Variants in LRRC7 observed in about 807,000 individuals in gnomAD.
The protein encoded by LRRC7 is leucine-rich repeat-containing protein 7.
A neutral mutation model predicts 175.7 loss-of-function variants in LRRC7; 23 were observed. The ratio of observed to expected loss-of-function variants is 0.13; its 90% CI spans 0.09 to 0.19. LRRC7 has a LOEUF of 0.19. LRRC7 is among the 10% of genes least tolerant of loss of function. The pLI is 1.00. For missense variants in LRRC7, 1,354 were observed against 1,904.7 expected (o/e 0.71, Z 5.38); for synonymous variants, 685 against 680.9 (o/e 1.01, Z -0.09).
intron 21 of LRRC7, among the ~76,000 whole-genome samples, chr1:70,040,253 C>T (rs1659753360): frequency 6.6e-6 from 1 of 152,160 alleles, no homozygotes; most frequent in South Asian, 2.1e-4. Flanking sequence ...CACATAGTTA[C>T]TGCTATGGGA....
At chr1:69,888,647 G>T (rs566917975) in intron 7 of LRRC7, among the ~76,000 whole-genome samples, 2 of 151,988 alleles carry the variant, frequency 1.3e-5, no homozygotes, top group African/African-American at 4.8e-5. Flanking sequence ...CTCCTCCTGA[G>T]GACATTTTTC....
At chr1:69,607,232 G>C (rs1458949565) in intron 1 of LRRC7, 1 of 152,032 alleles carries the variant, frequency 6.6e-6, no homozygotes, top group Non-Finnish European at 1.5e-5. Context: ...GATTTTGAGT[G>C]TACTTGTTTA....
At chr1:69,657,723 G>A (rs17131011) in intron 1 of LRRC7, among the ~76,000 whole-genome samples, 10,513 of 151,932 alleles carry the variant, frequency 0.069, 474 homozygotes, top group African/African-American at 0.12. Flanking sequence ...GAGGGCTCAT[G>A]CAGATGAATT....
At chr1:69,789,052 C>A (rs1674817015) in intron 3 of LRRC7, among the ~76,000 whole-genome samples, 1 of 152,000 alleles carries the variant, frequency 6.6e-6, no homozygotes, top group Non-Finnish European at 1.5e-5. Context: ...TTTTTTAGCT[C>A]CAAATGTATT....
At chr1:69,661,531 T>C (rs574918386) in intron 1 of LRRC7, among the ~76,000 whole-genome samples, 1 of 152,314 alleles carries the variant, frequency 6.6e-6, no homozygotes, top group Non-Finnish European at 1.5e-5. Flanking sequence ...ATGCTGAATA[T>C]CTTTTACTCT....
At chr1:69,885,375 T>G (rs895487826) in intron 7 of LRRC7, among the ~76,000 whole-genome samples, 1 of 146,838 alleles carries the variant, frequency 6.8e-6, no homozygotes, top group Admixed American at 6.7e-5. Flanking sequence ...ATTTATCCAT[T>G]TCTTCTAGAT....
chr1:69,874,262 T>G (rs1685839781), intron 7 of LRRC7: 1 of 152,206 alleles, frequency 6.6e-6, no homozygotes, highest in African/African-American at 2.4e-5. Context: ...ATCTCTGTAA[T>G]GATACTTTTG....
intron 1 of LRRC7, among the ~76,000 whole-genome samples, chr1:69,575,602 C>T (rs1043832681): frequency 6.6e-6 from 1 of 152,026 alleles, no homozygotes; most frequent in Non-Finnish European, 1.5e-5. Flanking sequence ...AATATTGAAG[C>T]ACTCTAAATT....
chr1:69,657,651 T>C (rs1656850152), intron 1 of LRRC7, among the ~76,000 whole-genome samples: 1 of 151,804 alleles, frequency 6.6e-6, no homozygotes, highest in South Asian at 2.1e-4. Flanking sequence ...CTGCAGAGAA[T>C]GTAAGAAGAG....
At chr1:70,116,601 G>T (rs963064571) in intron 26 of LRRC7, among the ~76,000 whole-genome samples, 99 of 150,602 alleles carry the variant, frequency 6.6e-4, no homozygotes, top group African/African-American at 2.3e-3. Flanking sequence ...TTCTGCAAAG[G>T]TTTTTTTTAA....
intron 7 of LRRC7, among the ~76,000 whole-genome samples, chr1:69,839,211 G>T (rs1003247536): frequency 6.6e-6 from 1 of 151,958 alleles, no homozygotes; most frequent in African/African-American, 2.4e-5. Context: ...ACCTTCAAGT[G>T]CATTTTATGT....
intron 1 of LRRC7, among the ~76,000 whole-genome samples, chr1:69,589,115 G>GGTGTGTGTGTGT (rs55678803): frequency 7.0e-6 from 1 of 142,354 alleles, no homozygotes. Flanking sequence ...TCATAAAAAG[G>GGTGTGTGTGTGT]GTGTGTGTGT....
At chr1:69,919,942 CA>C in intron 7 of LRRC7, 2 of 609,950 alleles carry the variant, frequency 3.3e-6, no homozygotes, top group Admixed American at 2.4e-5. Context: ...TTATTGTTAC[CA>C]AAATGGCTGG....
intron 4 of LRRC7, among the ~76,000 whole-genome samples, chr1:69,793,257 C>A (rs1277540151): frequency 6.6e-6 from 1 of 152,040 alleles, no homozygotes; most frequent in Admixed American, 6.6e-5. Flanking sequence ...GAGAAGGATG[C>A]AATCCAATCT....
intron 1 of LRRC7, among the ~76,000 whole-genome samples, chr1:69,650,756 A>C (rs753175200): frequency 5.3e-5 from 8 of 151,976 alleles, no homozygotes; most frequent in Non-Finnish European, 1.0e-4. Flanking sequence ...TAATCAGAAA[A>C]TCTTAATCAT....
At chr1:69,803,662 A>G (rs1225643476) in intron 4 of LRRC7, among the ~76,000 whole-genome samples, 2 of 151,390 alleles carry the variant, frequency 1.3e-5, no homozygotes, top group East Asian at 3.9e-4. Context: ...TTTATTATAA[A>G]ATCATTTTAT....
chr1:69,577,817 G>A (rs1287567022), intron 1 of LRRC7, among the ~76,000 whole-genome samples: 1 of 152,114 alleles, frequency 6.6e-6, no homozygotes, highest in Non-Finnish European at 1.5e-5. Flanking sequence ...GTAGCGTGAT[G>A]CCTCCAGCTT....
At chr1:69,745,547 T>C (rs917832465) in intron 2 of LRRC7, among the ~76,000 whole-genome samples, 6 of 151,908 alleles carry the variant, frequency 3.9e-5, no homozygotes, top group African/African-American at 1.4e-4. Flanking sequence ...TTTCCTAGTA[T>C]AGGAAAAAGA....
chr1:69,678,776 A>G (rs1214648500), intron 2 of LRRC7, among the ~76,000 whole-genome samples: 1 of 152,156 alleles, frequency 6.6e-6, no homozygotes, highest in Non-Finnish European at 1.5e-5. Context: ...TATTTATACC[A>G]TGCATGGTAA....
Sources: allele counts gnomAD v4.1 joint callset (sites outside exome capture counted in the v4.1 genomes callset), GRCh38; gene constraint gnomAD v4.1.1; transcripts MANE v1.5; gene names NCBI Gene and HGNC (gene_info 2026-07-23, HGNC 2026-07-21).